Variants in SLC37A3 observed in about 807,000 individuals in gnomAD.
SLC37A3 encodes the protein solute carrier family 37 member 3.
SLC37A3 carries 51 observed loss-of-function variants against 67.1 expected under a neutral mutation model. That is an observed-to-expected ratio of 0.76 (90% CI 0.61 to 0.96). The LOEUF is 0.96. Ranked by LOEUF, SLC37A3 falls within the 40% of genes least tolerant of loss-of-function variation. SLC37A3 has a pLI of 0.00. For missense variants in SLC37A3, 508 were observed against 603.0 expected (o/e 0.84, Z 1.65); for synonymous variants, 214 against 231.4 (o/e 0.92, Z 0.68).
At chr7:140,387,746 T>TAC (rs1425138879) in intron 1 of SLC37A3, among the ~76,000 whole-genome samples, 13 of 27,054 alleles carry the variant, frequency 4.8e-4, no homozygotes, top group South Asian at 1.4e-3. Flanking sequence ...CTATATATTA[T>TAC]ATAAATATAA....
In SLC37A3 at chr7:140,355,697, C is replaced by T; in HGVS notation, c.589G>A (p.Ala197Thr). Reference protein sequence around the residue: ...SVGNILGACLASSVLQYGYEY... With the variant: ...SVGNILGACLTSSVLQYGYEY... ...TAACCATACTGAAGAACAGAAGAAG[C>T]TAGGCACGCTCCCAAAATGTTGCCC... Residue 197 changes from alanine (A) to threonine (T), a missense_variant, in exon 7 of 15, where the codon GCT (alanine) becomes ACT (threonine). Physicochemically the swap from Ala to Thr is moderately conservative, Grantham distance 58 (BLOSUM62 0). Transcript: ENST00000326232. 1.2e-6 allele frequency: 2 copies of T among 1,613,858 alleles called. No homozygotes were observed. The highest frequency in any genetic ancestry group is 1.7e-6 in the Non-Finnish European group (2 of 1,179,934).
At chr7:140,387,779 A>AATATAAATATATTTATATATTATATAT (rs1563053529) in intron 1 of SLC37A3, among the ~76,000 whole-genome samples, 10 of 1,282 alleles carry the variant, frequency 7.8e-3, no homozygotes, top group African/African-American at 0.04. Context: ...TATTATACAT[A>AATATAAATATATTTATATATTATATAT]AATATAAATA....
At chr7:140,343,639 T>C in intron 12 of SLC37A3, 76 bp from the exon 13 acceptor site, 2 of 1,451,060 alleles carry the variant, frequency 1.4e-6, no homozygotes, top group South Asian at 1.2e-5. Flanking sequence ...CAAAATAATA[T>C]CCGAATAGTT....
chr7:140,366,992 G>C (rs1408456394), intron 4 of SLC37A3, among the ~76,000 whole-genome samples: 1 of 152,008 alleles, frequency 6.6e-6, no homozygotes, highest in African/African-American at 2.4e-5. Flanking sequence ...AAAAAAATTA[G>C]CAGGGCATGG....
Position 140,335,473 on chromosome 7 carries a change from A to C in SLC37A3, c.1424T>G (p.Leu475Ter), listed in dbSNP as rs1200660190. 1 of 1,614,138 alleles carries C rather than the reference A, an allele frequency of 6.2e-7. No homozygotes were observed. The highest frequency in any genetic ancestry group is 8.5e-7 in the Non-Finnish European group (1 of 1,180,034). Residue 475 changes from leucine to a stop codon, truncating the protein, a stop_gained, in exon 15 of 15, where the codon TTA becomes TGA. Transcript: ENST00000326232. LOFTEE classifies it high-confidence loss of function. Reference protein sequence around the residue: ...TSCTIVFISPLIVREIFSLVL... With the variant: ...TSCTIVFISP The stretch of plus-strand genomic sequence containing the variant: ...GAGAGAGAATATTTCCCTCACTATT[A>C]ATGGCGAGATAAACACAATTGTACA...
chr7:140,359,244 G>A (rs564273141), intron 5 of SLC37A3, among the ~76,000 whole-genome samples: 43 of 151,676 alleles, frequency 2.8e-4, no homozygotes, highest in Non-Finnish European at 4.3e-4. Context: ...TCAGGAGGCT[G>A]AGGCAGGAGA....
At chr7:140,362,548 T>TGGG (rs544981121) in intron 5 of SLC37A3, among the ~76,000 whole-genome samples, 1 of 74,232 alleles carries the variant, frequency 1.3e-5, no homozygotes, top group Non-Finnish European at 2.7e-5. Flanking sequence ...GGGAGGGAGG[T>TGGG]GGGGGGTCAG....
chr7:140,358,628 G>T lies in SLC37A3; in HGVS notation c.521+12C>A. On this transcript the variant is annotated intron_variant, in intron 6 of 14. Transcript: ENST00000326232. ...TTAAACAGAGAAATTAGAGAGGAAGGAAGTGGCATACCCGGCTTTCCCAAA... is the reference window on the plus strand; with the variant it reads ...TTAAACAGAGAAATTAGAGAGGAAGTAAGTGGCATACCCGGCTTTCCCAAA... 1 of 1,613,474 alleles carries T rather than the reference G, an allele frequency of 6.2e-7. No homozygotes were observed. Among genetic ancestry groups the T allele is most frequent in the African/African-American group, 1.3e-5 (1 of 75,026 alleles).
intron 5 of SLC37A3, among the ~76,000 whole-genome samples, chr7:140,361,930 C>G (rs1797322699): frequency 6.9e-6 from 1 of 145,924 alleles, no homozygotes; most frequent in Admixed American, 6.8e-5. Flanking sequence ...CCTGCCTTGG[C>G]CCCCCAAAGT....
chr7:140,363,061 A>C (rs1585309902), intron 5 of SLC37A3, among the ~76,000 whole-genome samples: 2 of 79,898 alleles, frequency 2.5e-5, no homozygotes, highest in East Asian at 8.8e-4. Context: ...CCCGTCAGGG[A>C]GGGTGGTGGG....
chr7:140,394,442 A>T (rs1339147316), intron 1 of SLC37A3, among the ~76,000 whole-genome samples: 1 of 151,494 alleles, frequency 6.6e-6, no homozygotes, highest in Admixed American at 6.6e-5. Context: ...ACATAGGGAG[A>T]CCTCATTCAT....
At position 140,366,962 on chromosome 7, in the gene SLC37A3, C is replaced by T. The variant is rs532365713; in HGVS notation, c.292-2471G>A. ...CCAGTCTGACCAACACGGTGAAACC[C>T]CATCTCTACTAAAAATACAAAAAAA... On this transcript the variant is annotated intron_variant, in intron 4 of 14. Coordinates refer to ENST00000326232, the MANE Select transcript of SLC37A3 (RefSeq NM_207113.3). 2.6e-5 allele frequency among the ~76,000 whole-genome samples: 4 copies of T among 151,970 alleles called. No individual in the cohort carries two copies. The East Asian group carries it at 7.7e-4, about 29-fold the overall frequency.
At chr7:140,397,072 C>A (rs1490095295) in intron 1 of SLC37A3, among the ~76,000 whole-genome samples, 17 of 149,592 alleles carry the variant, frequency 1.1e-4, no homozygotes, top group African/African-American at 3.7e-4. Context: ...TGGTGGCGGG[C>A]GCCTGTAGTC....
intron 11 of SLC37A3, 76 bp downstream of exon 11, chr7:140,345,793 A>T: frequency 8.5e-7 from 1 of 1,171,562 alleles, no homozygotes; most frequent in Non-Finnish European, 1.3e-6. Context: ...AGCACTGGTC[A>T]CTGACTCCAA....
intron 4 of SLC37A3, among the ~76,000 whole-genome samples, chr7:140,367,053 G>C (rs1490792793): frequency 6.6e-6 from 1 of 152,146 alleles, no homozygotes; most frequent in African/African-American, 2.4e-5. Context: ...CAGCAGAATT[G>C]CTTGAACCCA....
intron 3 of SLC37A3, among the ~76,000 whole-genome samples, chr7:140,375,694 A>G (rs1409756337): frequency 6.6e-6 from 1 of 152,208 alleles, no homozygotes; most frequent in Admixed American, 6.5e-5. Flanking sequence ...AACAAAAAAT[A>G]AAATCCCCAA....
chr7:140,365,699 C>T (rs1053989414), intron 4 of SLC37A3, among the ~76,000 whole-genome samples: 3 of 151,708 alleles, frequency 2.0e-5, no homozygotes, highest in East Asian at 3.9e-4. Context: ...CCAGCCTGGG[C>T]GATAGAGTGG....
intron 13 of SLC37A3, among the ~76,000 whole-genome samples, chr7:140,342,294 T>C (rs1249115086): frequency 6.6e-6 from 1 of 152,182 alleles, no homozygotes; most frequent in African/African-American, 2.4e-5. Context: ...ACAATAATCT[T>C]CAAGGTTATT....
chr7:140,388,539 A>G (rs1159007798), intron 1 of SLC37A3, among the ~76,000 whole-genome samples: 1 of 151,994 alleles, frequency 6.6e-6, no homozygotes, highest in East Asian at 1.9e-4. Context: ...TTGGCCAGGC[A>G]TGGTGGCTCA....
Sources: gnomAD v4.1 joint callset for allele counts (sites outside exome capture counted in the v4.1 genomes callset) on GRCh38, gnomAD v4.1.1 for gene constraint, MANE v1.5 for transcripts, NCBI Gene and HGNC (gene_info 2026-07-23, HGNC 2026-07-21) for gene names.